GALK2: variants seen among roughly 807,000 people sequenced by gnomAD.
GALK2 encodes N-acetylgalactosamine kinase.
GALK2 carries 36 observed loss-of-function variants against 52.4 expected under a neutral mutation model. The ratio of observed to expected loss-of-function variants is 0.69; its 90% confidence interval spans 0.53 to 0.91. The LOEUF is 0.91. GALK2 is among the 40% of genes least tolerant of loss of function. The pLI, the probability that GALK2 is intolerant of heterozygous loss-of-function variation, is 0.00. For synonymous variants in GALK2, 176 were observed against 199.1 expected (o/e 0.88, Z 0.98); for missense variants, 579 against 559.1 (o/e 1.04, Z -0.36).
At chr15:49,308,660 A>T (rs2035743376) in intron 8 of GALK2, among the ~76,000 whole-genome samples, 1 of 152,120 alleles carries the variant, frequency 6.6e-6, no homozygotes, top group Admixed American at 6.6e-5. Flanking sequence ...AATGAGGGAG[A>T]TGATGGTCCA....
At chr15:49,190,949 A>G (rs905632597) in intron 1 of GALK2, among the ~76,000 whole-genome samples, 1 of 152,148 alleles carries the variant, frequency 6.6e-6, no homozygotes, top group Non-Finnish European at 1.5e-5. Context: ...TGAATTGTTC[A>G]TTGCTCAGTT....
chr15:49,256,343 A>G (rs1447973779), intron 5 of GALK2, among the ~76,000 whole-genome samples: 1 of 152,158 alleles, frequency 6.6e-6, no homozygotes, highest in African/African-American at 2.4e-5. Flanking sequence ...TGCAGGGAAC[A>G]GGTGGACTTA....
At chr15:49,159,295 G>A (rs947487234) in intron 1 of GALK2, among the ~76,000 whole-genome samples, 6 of 151,990 alleles carry the variant, frequency 3.9e-5, no homozygotes, top group African/African-American at 1.5e-4. Flanking sequence ...AAATAATTCC[G>A]GCTGGCGCGC....
At chr15:49,219,675 G>A (rs1432662389) in intron 3 of GALK2, among the ~76,000 whole-genome samples, 1 of 152,142 alleles carries the variant, frequency 6.6e-6, no homozygotes, top group African/African-American at 2.4e-5. Flanking sequence ...GTTGGGTATT[G>A]TGGCATGCAC....
intron 5 of GALK2, among the ~76,000 whole-genome samples, chr15:49,266,682 C>A (rs1396020518): frequency 2.0e-5 from 3 of 152,206 alleles, no homozygotes; most frequent in Non-Finnish European, 4.4e-5. Flanking sequence ...GAAGGGGAAT[C>A]TGGTTAGTGT....
At chr15:49,290,274 G>C (rs1021465638) in intron 7 of GALK2, among the ~76,000 whole-genome samples, 1 of 152,204 alleles carries the variant, frequency 6.6e-6, no homozygotes. Context: ...CTCCCTCAAT[G>C]TAGTGTAATT....
chr15:49,342,307 G>T (rs936334484), intron 3 of GALK2, among the ~76,000 whole-genome samples: 1 of 151,968 alleles, frequency 6.6e-6, no homozygotes, highest in Non-Finnish European at 1.5e-5. Context: ...TTTGACTGTT[G>T]TTGGTTTAAA....
chr15:49,182,609 A>C (rs936559031), intron 1 of GALK2, among the ~76,000 whole-genome samples: 3 of 152,038 alleles, frequency 2.0e-5, no homozygotes, highest in Non-Finnish European at 4.4e-5. Flanking sequence ...TTCCACCAAC[A>C]GTGTATGAGG....
chr15:49,198,611 C>A (rs2087446199), intron 1 of GALK2, among the ~76,000 whole-genome samples: 1 of 152,062 alleles, frequency 6.6e-6, no homozygotes, highest in African/African-American at 2.4e-5. Flanking sequence ...TAAAAAAAAT[C>A]ATTGCTTTGT....
chr15:49,263,582 ATTG>A lies in GALK2; in HGVS notation c.505-18402_505-18400del, dbSNP rs1249501669. 4.9e-4 allele frequency among the ~76,000 whole-genome samples: 53 copies of A among 107,870 alleles called. No homozygotes were observed. In the South Asian group the frequency reaches 7.1e-3, roughly 14 times the overall value. The allele number at this position is 107,870 out of a possible 152,430, so 70.8% of individuals were successfully genotyped here. A position where few individuals can be genotyped will look rare whatever the true frequency, so the allele number is the denominator to read the frequency against. On this transcript the variant is annotated intron_variant, in intron 5 of 9. Transcript: ENST00000560031. The stretch of plus-strand genomic sequence containing the variant: ...TAGTCCATTTACATTTAAAGTTAAT[ATTG>A]TTATATGTGAATTTGATCCTGTCAT...
At chr15:49,195,834 C>T (rs1290542287) in intron 1 of GALK2, among the ~76,000 whole-genome samples, 36 of 151,094 alleles carry the variant, frequency 2.4e-4, no homozygotes, top group African/African-American at 8.0e-4. Flanking sequence ...TTTTTTATCC[C>T]TTTGCTTAAT....
At chr15:49,179,656 T>C (rs1215068035) in intron 1 of GALK2, among the ~76,000 whole-genome samples, 29 of 110,296 alleles carry the variant, frequency 2.6e-4, no homozygotes, top group African/African-American at 5.3e-4. Flanking sequence ...TTCTTTCTTT[T>C]TTTTTTTTTT....
At chr15:49,256,939 G>A (rs983039224) in intron 5 of GALK2, among the ~76,000 whole-genome samples, 3 of 152,122 alleles carry the variant, frequency 2.0e-5, no homozygotes, top group African/African-American at 7.2e-5. Context: ...ATTTCCTGGT[G>A]ATGACATAAA....
At chr15:49,233,893 T>A (rs1335991946) in intron 3 of GALK2, among the ~76,000 whole-genome samples, 1 of 152,202 alleles carries the variant, frequency 6.6e-6, no homozygotes. Flanking sequence ...GTTATTTATG[T>A]TCATGTCATC....
At chr15:49,199,714 A>AGTATAGGAT (rs1165112085) in intron 1 of GALK2, among the ~76,000 whole-genome samples, 1 of 152,200 alleles carries the variant, frequency 6.6e-6, no homozygotes, top group Non-Finnish European at 1.5e-5. Flanking sequence ...AGGATGCTGG[A>AGTATAGGAT]GCTGTTAAGT....
At chr15:49,156,034 A>T in intron 1 of GALK2, 2 of 1,613,896 alleles carry the variant, frequency 1.2e-6, no homozygotes, top group Non-Finnish European at 8.5e-7. Flanking sequence ...TTCTGCTATC[A>T]TTGTACGTGT....
At chr15:49,164,127 TA>T (rs2084740592) in intron 1 of GALK2, among the ~76,000 whole-genome samples, 1 of 152,180 alleles carries the variant, frequency 6.6e-6, no homozygotes, top group Non-Finnish European at 1.5e-5. Flanking sequence ...CTACTTATAC[TA>T]AGCCTTCAGA....
intron 3 of GALK2, among the ~76,000 whole-genome samples, chr15:49,363,720 T>G (rs1205868940): frequency 6.6e-6 from 1 of 152,206 alleles, no homozygotes; most frequent in African/African-American, 2.4e-5. Context: ...AGGTGAATAC[T>G]TCCAGCTTTT....
intron 3 of GALK2, among the ~76,000 whole-genome samples, chr15:49,349,033 T>A (rs1294844065): frequency 6.6e-6 from 1 of 152,204 alleles, no homozygotes; most frequent in Non-Finnish European, 1.5e-5. Flanking sequence ...ACTCACTCCC[T>A]GGAACCTGAT....
Sources: gnomAD v4.1 joint callset for allele counts (sites outside exome capture counted in the v4.1 genomes callset) on GRCh38, gnomAD v4.1.1 for gene constraint, MANE v1.5 for transcripts, NCBI Gene and HGNC (gene_info 2026-07-23, HGNC 2026-07-21) for gene names.